BCAT1: variants seen among roughly 807,000 people sequenced by gnomAD.
The protein encoded by BCAT1 is branched-chain-amino-acid aminotransferase, cytosolic.
A neutral mutation model predicts 52.4 loss-of-function variants in BCAT1; 48 were observed. The observed-to-expected ratio is 0.92, with a 90% confidence interval of 0.73 to 1.16. The LOEUF (loss-of-function observed/expected upper bound fraction) is 1.16, where lower values mean the gene tolerates loss of function less well. BCAT1 is among the 50% of genes most tolerant of loss of function. BCAT1 has a pLI of 0.00. For missense variants in BCAT1, 451 were observed against 457.1 expected, an observed-to-expected ratio of 0.99 and a Z score of 0.12; for synonymous variants, 167 against 161.3, an observed-to-expected ratio of 1.04 and a Z score of -0.27.
In BCAT1 at chr12:24,903,146, C is replaced by T. The variant is rs1327914651; in HGVS notation, c.7-1261G>A. The T allele has an allele frequency of 3.1e-6, 4 of 1,294,986 alleles. No individual in the cohort carries two copies. In the African/African-American group the frequency reaches 4.7e-5, roughly 15 times the overall value. 80.2% of individuals were successfully genotyped at this position (1,294,986 alleles called of 1,614,324 possible). On this transcript the variant is annotated intron_variant, in intron 1 of 10. Transcript: ENST00000261192. ...GCGCGCCAGGGCCAGGCGCAGGGTA[C>T]GACGCAACCCCTCCAGCATCCCTTG...
chr12:24,866,731 G>C (rs1236326394), intron 5 of BCAT1, among the ~76,000 whole-genome samples: 1 of 150,286 alleles, frequency 6.7e-6, no homozygotes, highest in Non-Finnish European at 1.5e-5. Flanking sequence ...AGCTAATCCA[G>C]TGGGGAGGTG....
Position 24,810,455 on chromosome 12 carries a change from AAC to A in BCAT1, c.*7551_*7552del, listed in dbSNP as rs1939645067. On this transcript the variant is annotated 3_prime_UTR_variant, in exon 11 of 11. Transcript: ENST00000261192. ...TGTTTTGTACTAAATCAATGTAGAAAACACACTTTCTACCCTGAAGGAAACTG... is the reference window on the plus strand; with the variant it reads ...TGTTTTGTACTAAATCAATGTAGAAAACACTTTCTACCCTGAAGGAAACTG... 1 of 152,210 alleles carries A rather than the reference AAC, an allele frequency of 6.6e-6. No individual in the cohort carries two copies. 9.4% of individuals were successfully genotyped at this position (152,210 alleles called of 1,614,324 possible).
rs575695093 is a variant in BCAT1 at position 24,816,198 on chromosome 12, G to A, written c.*1810C>T. 3 of 269,420 alleles carry A rather than the reference G, an allele frequency of 1.1e-5. No individual in the cohort carries two copies. Among genetic ancestry groups the A allele is most frequent in the Middle Eastern group, 1.1e-3 (1 of 938 alleles). The allele number at this position is 269,420 out of a possible 1,614,324, so 16.7% of individuals were successfully genotyped here. A position where few individuals can be genotyped will look rare whatever the true frequency, so the allele number is the denominator to read the frequency against. On this transcript the variant is annotated 3_prime_UTR_variant, in exon 11 of 11. Coordinates refer to ENST00000261192, the MANE Select transcript of BCAT1 (RefSeq NM_005504.7). ...AAAAGACCCTATGGCTAAAAGTTTTGGAAAAGAATCAAAGCCCATTTTCTA... is the reference window on the plus strand; with the variant it reads ...AAAAGACCCTATGGCTAAAAGTTTTAGAAAAGAATCAAAGCCCATTTTCTA...
chr12:24,929,336 C>G lies in BCAT1; in HGVS notation c.6+19591G>C, dbSNP rs539922411. Among the ~76,000 whole-genome samples the G allele has an allele frequency of 2.0e-5, 3 of 152,286 alleles. No individual in the cohort carries two copies. In the East Asian group the frequency reaches 5.8e-4, roughly 29 times the overall value. The stretch of plus-strand genomic sequence containing the variant: ...CCCTTTTGATTATTTTAGGTTGGCA[C>G]ATCCAACAGAAATGGGGTTCCTGTT... On this transcript the variant is annotated intron_variant, in intron 1 of 10. Coordinates refer to ENST00000261192, the MANE Select transcript of BCAT1 (RefSeq NM_005504.7).
chr12:24,892,372 T>C (rs1384709619), intron 3 of BCAT1, among the ~76,000 whole-genome samples: 1 of 152,094 alleles, frequency 6.6e-6, no homozygotes, highest in East Asian at 1.9e-4. Flanking sequence ...AAAATGACAT[T>C]AAATCATTTC....
intron 1 of BCAT1, among the ~76,000 whole-genome samples, chr12:24,921,304 C>T (rs2139721973): frequency 6.6e-6 from 1 of 152,306 alleles, no homozygotes; most frequent in South Asian, 2.1e-4. Flanking sequence ...ACAAAGACCA[C>T]ATATATGTAT....
intron 1 of BCAT1, among the ~76,000 whole-genome samples, chr12:24,922,504 G>A (rs1943512396): frequency 1.3e-5 from 2 of 152,164 alleles, no homozygotes; most frequent in Admixed American, 6.6e-5. Flanking sequence ...TTACATATGA[G>A]AAAATTGGAA....
At chr12:24,901,995 G>A (rs1256874090) in intron 1 of BCAT1, 110 bp from the exon 2 acceptor site, 3 of 1,600,022 alleles carry the variant, frequency 1.9e-6, no homozygotes, top group Non-Finnish European at 2.6e-6. Flanking sequence ...CAGGACCCAG[G>A]CAAACACAAA....
chr12:24,884,468 T>C (rs1289271374), intron 3 of BCAT1, among the ~76,000 whole-genome samples: 1 of 152,160 alleles, frequency 6.6e-6, no homozygotes, highest in African/African-American at 2.4e-5. Flanking sequence ...TATTTCAAAA[T>C]TGCTAAGAGA....
At chr12:24,883,113 C>T (rs893652281) in intron 3 of BCAT1, among the ~76,000 whole-genome samples, 1 of 151,808 alleles carries the variant, frequency 6.6e-6, no homozygotes, top group Admixed American at 6.6e-5. Context: ...ATGGTGAAAC[C>T]CATCTCTACC....
At chr12:24,914,140 G>C (rs1456257665) in intron 1 of BCAT1, among the ~76,000 whole-genome samples, 1 of 149,656 alleles carries the variant, frequency 6.7e-6, no homozygotes, top group Non-Finnish European at 1.5e-5. Context: ...AGAGTGCAGT[G>C]TCATAATCTC....
At chr12:24,881,973 T>C (rs1446058327) in intron 3 of BCAT1, among the ~76,000 whole-genome samples, 5 of 152,278 alleles carry the variant, frequency 3.3e-5, no homozygotes, top group Admixed American at 1.3e-4. Flanking sequence ...AACAAACCAC[T>C]GATCAGGGAT....
intron 4 of BCAT1, among the ~76,000 whole-genome samples, chr12:24,878,982 C>A (rs540568801): frequency 3.3e-4 from 50 of 152,186 alleles, no homozygotes; most frequent in Non-Finnish European, 6.2e-4. Flanking sequence ...GATGGGATGA[C>A]GAGCTATCCA....
intron 3 of BCAT1, among the ~76,000 whole-genome samples, chr12:24,893,104 A>G (rs1310300572): frequency 2.2e-4 from 34 of 152,216 alleles, no homozygotes; most frequent in Non-Finnish European, 8.8e-5. Flanking sequence ...TTTGGTGTAT[A>G]CATGTAGGGG....
At chr12:24,902,910 T>G in intron 1 of BCAT1, 1 of 1,511,942 alleles carries the variant, frequency 6.6e-7, no homozygotes, top group African/African-American at 1.4e-5. Flanking sequence ...CGGGTTCCAA[T>G]CCTCCCCCCT....
intron 3 of BCAT1, 116 bp from the exon 4 acceptor site, chr12:24,881,527 G>T: frequency 1.6e-6 from 1 of 638,644 alleles, no homozygotes; most frequent in Non-Finnish European, 2.7e-6. Flanking sequence ...TGTTGACATT[G>T]ACCTCAACTT....
Position 24,863,111 on chromosome 12 carries a change from T to C in BCAT1, c.511-13162A>G, listed in dbSNP as rs553469641. Among the ~76,000 whole-genome samples the C allele has an allele frequency of 3.3e-5, 5 of 152,274 alleles. No individual in the cohort carries two copies. In the East Asian group the frequency reaches 9.7e-4, roughly 29 times the overall value. On this transcript the variant is annotated intron_variant, in intron 5 of 10. Transcript: ENST00000261192. ...AAAAAGGCTGATCAACTCTTTTAAG[T>C]TTTTAGATAAGAATGACCTTAGAAT...
At chr12:24,839,845 C>T (rs1168628506) in intron 7 of BCAT1, among the ~76,000 whole-genome samples, 1 of 152,140 alleles carries the variant, frequency 6.6e-6, no homozygotes, top group Non-Finnish European at 1.5e-5. Flanking sequence ...TTCTTAAAAT[C>T]ATATGATATA....
At chr12:24,902,678 C>A (rs1178089790) in intron 1 of BCAT1, 1 of 521,988 alleles carries the variant, frequency 1.9e-6, no homozygotes, top group South Asian at 2.9e-5. Context: ...TCCCCCGTGG[C>A]GGTCCTCGCC....
Sources: gnomAD v4.1 joint callset for allele counts (sites outside exome capture counted in the v4.1 genomes callset) on GRCh38, gnomAD v4.1.1 for gene constraint, MANE v1.5 for transcripts, NCBI Gene and HGNC (gene_info 2026-07-23, HGNC 2026-07-21) for gene names.